Variants in C8orf34 observed in about 807,000 individuals in gnomAD.
C8orf34 encodes chromosome 8 open reading frame 34.
Under a neutral mutation model 68.3 loss-of-function variants are expected in C8orf34, and 65 were observed. The ratio of observed to expected loss-of-function variants is 0.95; its 90% CI spans 0.78 to 1.17. The LOEUF is 1.17. Ranked by LOEUF, C8orf34 falls within the 50% of genes most tolerant of loss-of-function variation. C8orf34 has a pLI of 0.00. For missense variants in C8orf34, 664 were observed against 655.4 expected, an observed-to-expected ratio of 1.01 and a Z score of -0.14; for synonymous variants, 244 against 241.2, an observed-to-expected ratio of 1.01 and a Z score of -0.11.
chr8:68,472,225 C>A (rs1162913000), intron 4 of C8orf34, among the ~76,000 whole-genome samples: 1 of 152,122 alleles, frequency 6.6e-6, no homozygotes, highest in African/African-American at 2.4e-5. Flanking sequence ...TTTTTGGTGC[C>A]TTGAGCCCTC....
intron 3 of C8orf34, among the ~76,000 whole-genome samples, chr8:68,463,941 G>C (rs557254035): frequency 6.6e-6 from 1 of 152,118 alleles, no homozygotes; most frequent in East Asian, 1.9e-4. Context: ...GTTCTGGCCA[G>C]GGCAATTAGG....
At chr8:68,425,436 T>C (rs1423809079) in intron 1 of C8orf34, among the ~76,000 whole-genome samples, 1 of 152,156 alleles carries the variant, frequency 6.6e-6, no homozygotes, top group Non-Finnish European at 1.5e-5. Flanking sequence ...GATCGATACA[T>C]AAAATCAATT....
At chr8:68,385,002 AT>A (rs1808200624) in intron 1 of C8orf34, among the ~76,000 whole-genome samples, 1 of 152,214 alleles carries the variant, frequency 6.6e-6, no homozygotes, top group Non-Finnish European at 1.5e-5. Context: ...AACGAAAAAA[AT>A]ATGCAATATG....
intron 1 of C8orf34, among the ~76,000 whole-genome samples, chr8:68,365,684 C>A (rs1172365036): frequency 1.4e-5 from 1 of 72,844 alleles, no homozygotes; most frequent in Admixed American, 1.2e-4. Context: ...AAACCTTTGA[C>A]AAAATTCAAC....
chr8:68,576,208 A>G (rs979920164), intron 7 of C8orf34, among the ~76,000 whole-genome samples: 1 of 151,762 alleles, frequency 6.6e-6, no homozygotes, highest in South Asian at 2.1e-4. Context: ...TATGTTATCC[A>G]TCTGCTTATC....
At chr8:68,668,309 G>A (rs1021589620) in intron 8 of C8orf34, among the ~76,000 whole-genome samples, 2 of 152,120 alleles carry the variant, frequency 1.3e-5, no homozygotes, top group African/African-American at 4.8e-5. Context: ...GGATTTAGGG[G>A]AGTTTATATT....
At position 68,591,163 on chromosome 8, in the gene C8orf34, G is replaced by C. The variant is rs1285482175; in HGVS notation, c.1106-49213G>C. On this transcript the variant is annotated intron_variant, in intron 7 of 13. Coordinates refer to ENST00000518698, the MANE Select transcript of C8orf34 (RefSeq NM_052958.4). ...ATAAGCTGAGATATGGCATGAAAGG[G>C]TCTAAGTCATTCAGAAGAAAATCGC... Among the ~76,000 whole-genome samples the C allele has an allele frequency of 3.9e-5, 6 of 152,150 alleles. No individual in the cohort carries two copies. The East Asian group carries it at 1.2e-3, about 29-fold the overall frequency.
chr8:68,740,333 T>A (rs574509183), intron 10 of C8orf34, among the ~76,000 whole-genome samples: 2 of 152,132 alleles, frequency 1.3e-5, no homozygotes, highest in East Asian at 1.9e-4. Context: ...TGGGAGAAAG[T>A]TTTTTGCATA....
At chr8:68,724,121 A>G (rs1264341177) in intron 10 of C8orf34, among the ~76,000 whole-genome samples, 1 of 152,196 alleles carries the variant, frequency 6.6e-6, no homozygotes, top group Non-Finnish European at 1.5e-5. Flanking sequence ...TTATGAGGAA[A>G]GCATGGGTTA....
chr8:68,818,170 CT>C, intron 13 of C8orf34, 68 bp from the exon 14 acceptor site: 1 of 1,520,528 alleles, frequency 6.6e-7, no homozygotes, highest in South Asian at 1.2e-5. Context: ...CACAATTTTT[CT>C]TTTTAATATG....
intron 10 of C8orf34, among the ~76,000 whole-genome samples, chr8:68,730,467 G>A (rs1821949431): frequency 1.3e-5 from 2 of 151,986 alleles, no homozygotes; most frequent in African/African-American, 4.8e-5. Flanking sequence ...TTTTCCTTTT[G>A]ACATTTCAGG....
At chr8:68,656,199 C>CTTAATTGATAA (rs1819506485) in intron 8 of C8orf34, among the ~76,000 whole-genome samples, 1 of 152,074 alleles carries the variant, frequency 6.6e-6, no homozygotes, top group Non-Finnish European at 1.5e-5. Flanking sequence ...AAGAGACCCC[C>CTTAATTGATAA]TTAATTGATA....
chr8:68,759,630 G>A (rs1317012290), intron 10 of C8orf34, among the ~76,000 whole-genome samples: 1 of 152,210 alleles, frequency 6.6e-6, no homozygotes, highest in Non-Finnish European at 1.5e-5. Context: ...AATAAGTGGT[G>A]TGTTTGTTTG....
At chr8:68,634,785 T>A (rs1340842362) in intron 7 of C8orf34, among the ~76,000 whole-genome samples, 1 of 152,186 alleles carries the variant, frequency 6.6e-6, no homozygotes, top group African/African-American at 2.4e-5. Context: ...TTTAAAATAA[T>A]GAGTATTTGT....
At chr8:68,418,504 AG>A (rs1487101562) in intron 1 of C8orf34, among the ~76,000 whole-genome samples, 8 of 152,246 alleles carry the variant, frequency 5.3e-5, no homozygotes, top group East Asian at 1.9e-4. Flanking sequence ...TTTAGCATGA[AG>A]GGTTGTTGAA....
intron 3 of C8orf34, among the ~76,000 whole-genome samples, chr8:68,448,898 C>G (rs1811227992): frequency 6.6e-6 from 1 of 151,758 alleles, no homozygotes; most frequent in Admixed American, 6.6e-5. Flanking sequence ...AAGGATATTA[C>G]CAGAGATAAA....
chr8:68,668,979 T>C (rs907155974), intron 8 of C8orf34, among the ~76,000 whole-genome samples: 1 of 152,150 alleles, frequency 6.6e-6, no homozygotes, highest in Non-Finnish European at 1.5e-5. Context: ...AATGACTTGA[T>C]TTTGGGCTTG....
At chr8:68,435,207 T>C (rs962313926) in intron 1 of C8orf34, among the ~76,000 whole-genome samples, 30 of 149,320 alleles carry the variant, frequency 2.0e-4, no homozygotes, top group Non-Finnish European at 3.7e-4. Context: ...TATATAAATA[T>C]ATGATATATA....
intron 4 of C8orf34, among the ~76,000 whole-genome samples, chr8:68,485,402 C>A (rs1813031172): frequency 6.6e-6 from 1 of 151,770 alleles, no homozygotes; most frequent in African/African-American, 2.4e-5. Context: ...GAGCATGATG[C>A]AGGAAGTTAA....
Sources: gnomAD v4.1 joint callset for allele counts (sites outside exome capture counted in the v4.1 genomes callset) on GRCh38, gnomAD v4.1.1 for gene constraint, MANE v1.5 for transcripts, NCBI Gene and HGNC (gene_info 2026-07-23, HGNC 2026-07-21) for gene names.